Variants in GLIS1 observed in about 807,000 individuals in gnomAD.
GLIS1 encodes the protein GLIS family zinc finger 1.
In GLIS1, 24 loss-of-function variants were observed where a neutral mutation model predicts 63.8. The ratio of observed to expected loss-of-function variants is 0.38; its 90% confidence interval spans 0.27 to 0.53. The LOEUF is 0.53. GLIS1 is among the 20% of genes least tolerant of loss of function. The probability of loss-of-function intolerance (pLI) is 0.85; values close to 1 mark genes in which losing one functional copy is unlikely to be tolerated. For synonymous variants in GLIS1, 450 were observed against 482.5 expected, an observed-to-expected ratio of 0.93 and a Z score of 0.88; for missense variants, 1,036 against 1,074.1, an observed-to-expected ratio of 0.96 and a Z score of 0.50.
chr1:53,636,917 T>A (rs543177408), intron 2 of GLIS1, among the ~76,000 whole-genome samples: 1 of 152,304 alleles, frequency 6.6e-6, no homozygotes, highest in African/African-American at 2.4e-5. Context: ...CTACCTCAGC[T>A]CCTTCTGTTC....
chr1:53,509,053 C>A, intron 10 of GLIS1, 67 bp downstream of exon 10: 1 of 1,431,880 alleles, frequency 7.0e-7, no homozygotes, highest in East Asian at 2.5e-5. Flanking sequence ...AGCACGTATG[C>A]AGCACCCAGC....
At chr1:53,692,377 T>G (rs541717785) in intron 2 of GLIS1, among the ~76,000 whole-genome samples, 79 of 152,280 alleles carry the variant, frequency 5.2e-4, no homozygotes, top group African/African-American at 1.9e-3. Context: ...TGGTATCCAA[T>G]GTACTTGAGA....
At chr1:53,668,700 T>C (rs1305669935) in intron 2 of GLIS1, among the ~76,000 whole-genome samples, 4 of 152,148 alleles carry the variant, frequency 2.6e-5, no homozygotes, top group African/African-American at 9.7e-5. Flanking sequence ...ATACTTACCA[T>C]TGTGTTACAG....
intron 2 of GLIS1, among the ~76,000 whole-genome samples, chr1:53,606,673 G>A (rs1460324411): frequency 1.3e-5 from 2 of 152,236 alleles, no homozygotes; most frequent in East Asian, 3.8e-4. Flanking sequence ...TGGACAGCCC[G>A]GTGGACCGGG....
intron 2 of GLIS1, among the ~76,000 whole-genome samples, chr1:53,615,542 A>T (rs985866789): frequency 1.3e-5 from 2 of 152,124 alleles, no homozygotes; most frequent in African/African-American, 4.8e-5. Flanking sequence ...ATATTTCTGT[A>T]TCTCCCAAGG....
At chr1:53,644,107 T>C (rs1645816868) in intron 2 of GLIS1, among the ~76,000 whole-genome samples, 1 of 152,220 alleles carries the variant, frequency 6.6e-6, no homozygotes, top group African/African-American at 2.4e-5. Flanking sequence ...AAGAAGTCTC[T>C]ACAAGACACC....
In GLIS1 at chr1:53,639,039, G is replaced by A. The variant is rs975517568; in HGVS notation, c.260-38761C>T. Among the ~76,000 whole-genome samples, 3 of 152,144 alleles carry A rather than the reference G, an allele frequency of 2.0e-5. No individual in the cohort carries two copies. The highest frequency in any genetic ancestry group is 6.5e-5 in the Admixed American group (1 of 15,280). On this transcript the variant is annotated intron_variant, in intron 2 of 10. Coordinates refer to ENST00000628545, the MANE Select transcript of GLIS1 (RefSeq NM_001367484.1). The surrounding 1 kb of genome is among the most constrained non-coding windows in gnomAD (Gnocchi z 4.6). Reference sequence around the variant, plus strand: ...GTTTCTCAGAGTGGTTGACAGCACCGGCCCCTGAATCAAAGGATTGAAACT... The same window carrying A: ...GTTTCTCAGAGTGGTTGACAGCACCAGCCCCTGAATCAAAGGATTGAAACT...
At chr1:53,528,264 G>A (rs1467302049) in intron 5 of GLIS1, among the ~76,000 whole-genome samples, 1 of 152,296 alleles carries the variant, frequency 6.6e-6, no homozygotes, top group East Asian at 1.9e-4. Flanking sequence ...TTGGGTTCAG[G>A]TTGGGGATGG....
intron 4 of GLIS1, among the ~76,000 whole-genome samples, chr1:53,589,501 C>A (rs1645167789): frequency 6.6e-6 from 1 of 152,210 alleles, no homozygotes; most frequent in Non-Finnish European, 1.5e-5. Flanking sequence ...GCTAGGAGGG[C>A]AAGGCCCTCC....
At chr1:53,666,788 G>A (rs1003204426) in intron 2 of GLIS1, among the ~76,000 whole-genome samples, 11 of 148,120 alleles carry the variant, frequency 7.4e-5, no homozygotes, top group African/African-American at 2.9e-4. Context: ...CCAGGCTGGG[G>A]AGCCAGCAGG....
intron 4 of GLIS1, among the ~76,000 whole-genome samples, chr1:53,556,418 G>GGTTT (rs1644827698): frequency 2.3e-5 from 3 of 129,366 alleles, no homozygotes; most frequent in South Asian, 2.6e-4. Flanking sequence ...GTGTACTGTA[G>GGTTT]GTATGTGTGT....
rs1003831681 is a variant in GLIS1 at position 53,520,746 on chromosome 1, G to A, written c.1614C>T (p.Thr538=). Reference sequence around the variant, plus strand: ...GACACTCGGTCAGGACGTCGGCCTCGGTGTCAGGGCCCGCATGCAGCTGGG... The same window carrying A: ...GACACTCGGTCAGGACGTCGGCCTCAGTGTCAGGGCCCGCATGCAGCTGGG... ...VRKKLHAGPD[T]EADVLTECLV... Residue 538 remains threonine (T), a synonymous_variant, in exon 7 of 11, where the codon ACC becomes ACT. Transcript: ENST00000628545. 1.5e-5 allele frequency: 24 copies of A among 1,607,016 alleles called. No individual in the cohort carries two copies. In the East Asian group the frequency reaches 1.6e-4, roughly 11 times the overall value.
chr1:53,729,631 G>C (rs1646839699), intron 2 of GLIS1, among the ~76,000 whole-genome samples: 4 of 152,054 alleles, frequency 2.6e-5, no homozygotes, highest in African/African-American at 9.7e-5. Flanking sequence ...TAAATCAGAA[G>C]ACGATGCCTT....
chr1:53,700,041 T>C (rs544788760), intron 2 of GLIS1, among the ~76,000 whole-genome samples: 17 of 152,318 alleles, frequency 1.1e-4, no homozygotes, highest in African/African-American at 3.8e-4. Flanking sequence ...AAATCCAGGC[T>C]TCCCTGACCC....
At chr1:53,563,756 G>C (rs921696980) in intron 4 of GLIS1, among the ~76,000 whole-genome samples, 1 of 152,158 alleles carries the variant, frequency 6.6e-6, no homozygotes, top group Non-Finnish European at 1.5e-5. Context: ...TCACAGAATA[G>C]TGAAAATTCA....
At chr1:53,512,446 A>G (rs6588480) in intron 8 of GLIS1, among the ~76,000 whole-genome samples, 117,639 of 152,106 alleles carry the variant, frequency 0.77, 46,153 homozygotes, top group Middle Eastern at 0.87. Flanking sequence ...CTCTTAGCAT[A>G]TTTTTGAGTG....
chr1:53,690,248 G>A (rs1482721106), intron 2 of GLIS1, among the ~76,000 whole-genome samples: 2 of 152,204 alleles, frequency 1.3e-5, no homozygotes, highest in African/African-American at 2.4e-5. Context: ...CCACGACACC[G>A]CATCTTCAGG....
At chr1:53,667,638 G>A (rs1237583876) in intron 2 of GLIS1, among the ~76,000 whole-genome samples, 1 of 152,094 alleles carries the variant, frequency 6.6e-6, no homozygotes, top group Admixed American at 6.5e-5. Flanking sequence ...CCTAACACTG[G>A]GTAATTTATA....
Position 53,594,144 on chromosome 1 carries a change from C to A in GLIS1, c.1284G>T (p.Met428Ile), listed in dbSNP as rs1645222587. 6.2e-7 allele frequency: 1 copy of A among 1,613,434 alleles called. No homozygotes were observed. Among genetic ancestry groups the A allele is most frequent in the East Asian group, 2.2e-5 (1 of 44,850 alleles). The change falls in exon 4 of 11, where the codon ATG (methionine) becomes ATT (isoleucine). Residue 428 changes from methionine to isoleucine, a missense_variant. Physicochemically the swap from Met to Ile is conservative, Grantham distance 10. Coordinates refer to ENST00000628545, the MANE Select transcript of GLIS1 (RefSeq NM_001367484.1). ...TGGGCTTCTCGCCCGAGTGCACTCGCATGTGGATGAGCAGCTTGTAGCGGG... is the reference window on the plus strand; with the variant it reads ...TGGGCTTCTCGCCCGAGTGCACTCGAATGTGGATGAGCAGCTTGTAGCGGG... Reference protein sequence around the residue: ...FNARYKLLIHMRVHSGEKPNK... With the variant: ...FNARYKLLIHIRVHSGEKPNK...
Sources: gnomAD v4.1 joint callset for allele counts (sites outside exome capture counted in the v4.1 genomes callset) on GRCh38, gnomAD v4.1.1 for gene constraint, Gnocchi (gnomAD v3.1) non-coding constraint, MANE v1.5 for transcripts, NCBI Gene and HGNC (gene_info 2026-07-23, HGNC 2026-07-21) for gene names.